Variants in SGCZ observed in about 807,000 individuals in gnomAD.
The protein encoded by SGCZ is zeta-sarcoglycan.
In SGCZ, 40 loss-of-function variants were observed where a neutral mutation model predicts 41.3. The ratio of observed to expected loss-of-function variants is 0.97; its 90% confidence interval spans 0.75 to 1.26. The LOEUF is 1.26. Among genes scored for constraint, SGCZ ranks in the 50% most tolerant of loss-of-function variants. The pLI, the probability that SGCZ is intolerant of heterozygous loss-of-function variation, is 0.00. For synonymous variants in SGCZ, 206 were observed against 137.5 expected (o/e 1.50, Z -3.49); for missense variants, 552 against 369.8 (o/e 1.49, Z -4.04).
At chr8:14,314,282 T>G (rs1362769092) in intron 3 of SGCZ, among the ~76,000 whole-genome samples, 1 of 131,238 alleles carries the variant, frequency 7.6e-6, no homozygotes, top group Admixed American at 7.4e-5. Context: ...TCTATCATAG[T>G]ATTATTTTTT....
chr8:15,059,808 G>C (rs2131008472), intron 1 of SGCZ, among the ~76,000 whole-genome samples: 1 of 152,248 alleles, frequency 6.6e-6, no homozygotes. Flanking sequence ...TATAGCCCAA[G>C]AACTCCCGGT....
intron 2 of SGCZ, among the ~76,000 whole-genome samples, chr8:14,409,448 G>A (rs924240748): frequency 6.6e-6 from 1 of 151,522 alleles, no homozygotes; most frequent in African/African-American, 2.4e-5. Flanking sequence ...TAGACACTCA[G>A]CGTTTGGTAA....
intron 4 of SGCZ, among the ~76,000 whole-genome samples, chr8:14,221,719 T>A (rs545258930): frequency 6.6e-6 from 1 of 152,228 alleles, no homozygotes; most frequent in South Asian, 2.1e-4. Flanking sequence ...GCAGATCACC[T>A]GAGGTCAGGA....
At position 14,545,306 on chromosome 8, in the gene SGCZ, T is replaced by C. The variant is rs148747186; in HGVS notation, c.234+9426A>G. Among the ~76,000 whole-genome samples the C allele has an allele frequency of 2.0e-3, 299 of 152,222 alleles. 2 individuals are homozygous for C. Among genetic ancestry groups the C allele is most frequent in the African/African-American group, 6.9e-3 (288 of 41,560 alleles). On this transcript the variant is annotated intron_variant, in intron 2 of 7. Coordinates refer to ENST00000382080, the MANE Select transcript of SGCZ (RefSeq NM_139167.4). ...TATTATTATTCAAAATAATAAATCA[T>C]AGAAATTCTTGCCCAATAAGATAAT...
chr8:14,596,897 TA>T (rs1420146888), intron 1 of SGCZ, among the ~76,000 whole-genome samples: 1 of 152,068 alleles, frequency 6.6e-6, no homozygotes, highest in Non-Finnish European at 1.5e-5. Flanking sequence ...GTGTTTCTGT[TA>T]AAAATAAATA....
At chr8:14,374,135 T>C (rs1469576423) in intron 2 of SGCZ, among the ~76,000 whole-genome samples, 1 of 152,194 alleles carries the variant, frequency 6.6e-6, no homozygotes, top group East Asian at 1.9e-4. Flanking sequence ...CCCGGCACTT[T>C]GGAAGGCCGA....
intron 1 of SGCZ, among the ~76,000 whole-genome samples, chr8:15,162,231 C>T (rs12682273): frequency 0.22 from 30,636 of 141,502 alleles, 3,775 homozygotes; most frequent in East Asian, 0.58. Flanking sequence ...CATACCCATA[C>T]CATAGCTTTT....
chr8:14,911,413 A>G (rs1016998521), intron 1 of SGCZ, among the ~76,000 whole-genome samples: 6 of 152,166 alleles, frequency 3.9e-5, no homozygotes, highest in Non-Finnish European at 8.8e-5. Context: ...TTAAATAGCT[A>G]TTGAATCAAG....
At chr8:14,369,485 T>C (rs933325399) in intron 2 of SGCZ, among the ~76,000 whole-genome samples, 1 of 151,992 alleles carries the variant, frequency 6.6e-6, no homozygotes, top group Non-Finnish European at 1.5e-5. Flanking sequence ...AATGGCAGTT[T>C]ATCCCATTAA....
At chr8:14,415,002 T>G (rs568489948) in intron 2 of SGCZ, among the ~76,000 whole-genome samples, 2 of 152,000 alleles carry the variant, frequency 1.3e-5, no homozygotes, top group South Asian at 4.2e-4. Context: ...TTTTGGAAAA[T>G]TGTGCTTAAT....
At chr8:15,000,851 C>T (rs1466643130) in intron 1 of SGCZ, among the ~76,000 whole-genome samples, 1 of 152,218 alleles carries the variant, frequency 6.6e-6, no homozygotes, top group African/African-American at 2.4e-5. Context: ...TTGCAAGGAG[C>T]TGCTCTCCTC....
chr8:14,200,578 G>A (rs1481986653), intron 4 of SGCZ, among the ~76,000 whole-genome samples: 1 of 152,080 alleles, frequency 6.6e-6, no homozygotes, highest in Non-Finnish European at 1.5e-5. Flanking sequence ...TCTGATCACA[G>A]ATTCTGACGC....
chr8:15,235,660 G>A (rs192759126), intron 1 of SGCZ, among the ~76,000 whole-genome samples: 1 of 152,260 alleles, frequency 6.6e-6, no homozygotes, highest in East Asian at 1.9e-4. Context: ...TTGCTCTTTT[G>A]CTGATTTAAA....
intron 4 of SGCZ, among the ~76,000 whole-genome samples, chr8:14,230,209 T>C (rs559742618): frequency 6.6e-6 from 1 of 152,126 alleles, no homozygotes; most frequent in African/African-American, 2.4e-5. Flanking sequence ...TTATTTAGAC[T>C]TGGAACAGAA....
At chr8:14,243,993 C>T (rs554135692) in intron 3 of SGCZ, among the ~76,000 whole-genome samples, 5 of 152,210 alleles carry the variant, frequency 3.3e-5, no homozygotes, top group South Asian at 2.1e-4. Context: ...GTTTGTGTCA[C>T]GCTTGACACA....
chr8:15,027,971 A>C (rs1034410452), intron 1 of SGCZ, among the ~76,000 whole-genome samples: 1 of 152,102 alleles, frequency 6.6e-6, no homozygotes, highest in African/African-American at 2.4e-5. Context: ...AAGTTAAAAC[A>C]AACAAAAGCA....
chr8:14,138,197 G>A (rs111848025), intron 5 of SGCZ, among the ~76,000 whole-genome samples: 5,820 of 152,102 alleles, frequency 0.038, 367 homozygotes, highest in African/African-American at 0.13. Flanking sequence ...ACATGGAAAG[G>A]AACAACCAGT....
chr8:14,754,495 C>T (rs1359638493), intron 1 of SGCZ, among the ~76,000 whole-genome samples: 2 of 152,024 alleles, frequency 1.3e-5, no homozygotes, highest in Admixed American at 1.3e-4. Flanking sequence ...TCTCTCTGCC[C>T]ATTACATTTA....
At chr8:14,861,794 T>C (rs1238556977) in intron 1 of SGCZ, among the ~76,000 whole-genome samples, 1 of 152,078 alleles carries the variant, frequency 6.6e-6, no homozygotes. Flanking sequence ...GAGATATTCC[T>C]TAGGGGGTGT....
Sources: allele counts gnomAD v4.1 joint callset (sites outside exome capture counted in the v4.1 genomes callset), GRCh38; gene constraint gnomAD v4.1.1; transcripts MANE v1.5; gene names NCBI Gene and HGNC (gene_info 2026-07-23, HGNC 2026-07-21).